ZNF385D: variants seen among roughly 807,000 people sequenced by gnomAD.
ZNF385D encodes zinc finger protein 659.
ZNF385D carries 15 observed loss-of-function variants against 35.8 expected under a neutral mutation model. That is an observed-to-expected ratio of 0.42 (90% CI 0.28 to 0.64). The LOEUF is 0.64. Among genes scored for constraint, ZNF385D ranks in the 30% least tolerant of loss-of-function variants. The pLI, the probability that ZNF385D is intolerant of heterozygous loss-of-function variation, is 0.23. For synonymous variants in ZNF385D, 212 were observed against 186.8 expected, an observed-to-expected ratio of 1.13 and a Z score of -1.10; for missense variants, 474 against 494.6, an observed-to-expected ratio of 0.96 and a Z score of 0.39.
intron 1 of ZNF385D, among the ~76,000 whole-genome samples, chr3:21,742,830 T>C (rs2069583186): frequency 6.6e-6 from 1 of 152,196 alleles, no homozygotes; most frequent in Non-Finnish European, 1.5e-5. Context: ...ATTATCTACA[T>C]TAAATTATTT....
chr3:21,564,217 A>G (rs2063059286), intron 3 of ZNF385D, among the ~76,000 whole-genome samples: 2 of 152,162 alleles, frequency 1.3e-5, no homozygotes, highest in South Asian at 2.1e-4. Flanking sequence ...TTTGGTACCT[A>G]TCTTATTTCA....
chr3:21,759,764 T>C (rs1453741501), intron 3 of ZNF385D, among the ~76,000 whole-genome samples: 1 of 152,214 alleles, frequency 6.6e-6, no homozygotes, highest in Non-Finnish European at 1.5e-5. Flanking sequence ...AACAGCGTTA[T>C]ATTGAATTTC....
chr3:21,907,233 G>A (rs1022675235), intron 3 of ZNF385D, among the ~76,000 whole-genome samples: 2 of 152,130 alleles, frequency 1.3e-5, no homozygotes, highest in African/African-American at 4.8e-5. Flanking sequence ...TAAAAAACAT[G>A]TATCTGTAAC....
intron 2 of ZNF385D, among the ~76,000 whole-genome samples, chr3:22,268,790 C>A (rs1244019964): frequency 6.6e-6 from 1 of 151,748 alleles, no homozygotes; most frequent in Non-Finnish European, 1.5e-5. Flanking sequence ...GGAGACATAC[C>A]CCCTCAGAAC....
At position 21,520,294 on chromosome 3, in the gene ZNF385D, A is replaced by T. The variant is rs191245238; in HGVS notation, c.277-9271T>A. Among the ~76,000 whole-genome samples, 8 of 152,344 alleles carry T rather than the reference A, an allele frequency of 5.3e-5. No individual in the cohort carries two copies. In the East Asian group the frequency reaches 1.5e-3, roughly 29 times the overall value. On this transcript the variant is annotated intron_variant, in intron 3 of 7. Coordinates refer to ENST00000281523, the MANE Select transcript of ZNF385D (RefSeq NM_024697.3). The stretch of plus-strand genomic sequence containing the variant: ...GCCTGTTTCTCCTAACAGAGAGTGG[A>T]TCTCATAACAGAGAGAGGAAGACCT...
At chr3:22,013,147 T>C (rs1052581874) in intron 3 of ZNF385D, among the ~76,000 whole-genome samples, 3 of 152,258 alleles carry the variant, frequency 2.0e-5, no homozygotes, top group African/African-American at 7.2e-5. Context: ...AAGTCAGTGC[T>C]TAAGATCTAT....
chr3:22,117,126 T>C (rs1702852655), intron 3 of ZNF385D, among the ~76,000 whole-genome samples: 1 of 152,040 alleles, frequency 6.6e-6, no homozygotes, highest in African/African-American at 2.4e-5. Flanking sequence ...TGAGGCTTTA[T>C]GTCATGGTAT....
intron 2 of ZNF385D, among the ~76,000 whole-genome samples, chr3:22,252,778 G>A (rs1472296356): frequency 1.3e-5 from 2 of 152,018 alleles, no homozygotes. Context: ...TAAAACATTA[G>A]GCATGTTTGA....
At chr3:22,109,640 A>C (rs1464919111) in intron 3 of ZNF385D, among the ~76,000 whole-genome samples, 1 of 152,134 alleles carries the variant, frequency 6.6e-6, no homozygotes, top group Non-Finnish European at 1.5e-5. Context: ...GTCTCTTTCT[A>C]GGTCTCTAAG....
intron 3 of ZNF385D, among the ~76,000 whole-genome samples, chr3:21,771,046 C>T (rs1221464389): frequency 7.0e-6 from 1 of 143,142 alleles, no homozygotes; most frequent in Non-Finnish European, 1.5e-5. Flanking sequence ...ACAATGAAAA[C>T]ACTTGGACAC....
At chr3:21,916,355 C>T (rs1419180583) in intron 3 of ZNF385D, among the ~76,000 whole-genome samples, 28 of 152,030 alleles carry the variant, frequency 1.8e-4, no homozygotes. Context: ...ACTAACCCTC[C>T]ACATTACTGA....
chr3:21,666,690 T>C (rs1226441396), intron 1 of ZNF385D, among the ~76,000 whole-genome samples: 1 of 152,216 alleles, frequency 6.6e-6, no homozygotes, highest in African/African-American at 2.4e-5. Context: ...ACTTTAGTGA[T>C]AGACCTGTCA....
At chr3:22,305,943 C>T (rs1429996009) in intron 2 of ZNF385D, among the ~76,000 whole-genome samples, 2 of 152,128 alleles carry the variant, frequency 1.3e-5, no homozygotes, top group African/African-American at 2.4e-5. Context: ...TAGGTTAGCA[C>T]TAATTTTTCT....
At chr3:22,366,593 C>A (rs532188339) in intron 2 of ZNF385D, among the ~76,000 whole-genome samples, 1 of 152,224 alleles carries the variant, frequency 6.6e-6, no homozygotes, top group East Asian at 1.9e-4. Flanking sequence ...TTTCACACAT[C>A]TTGCATAATA....
intron 3 of ZNF385D, among the ~76,000 whole-genome samples, chr3:21,833,407 A>G (rs190247283): frequency 1.4e-3 from 210 of 152,296 alleles, no homozygotes; most frequent in Admixed American, 3.7e-3. Flanking sequence ...AATCACATGT[A>G]TCTTGTAAGA....
intron 1 of ZNF385D, among the ~76,000 whole-genome samples, chr3:21,737,377 G>A (rs1559567922): frequency 6.6e-6 from 1 of 152,002 alleles, no homozygotes. Context: ...TAAAAAGAAT[G>A]AGAATCAGTA....
rs1274262377 is a variant in ZNF385D, at chr3:21,412,822, A to G, written c.*8392T>C. 1 of 152,140 alleles carries G rather than the reference A, an allele frequency of 6.6e-6. No individual in the cohort carries two copies. The highest frequency in any genetic ancestry group is 2.1e-4 in the South Asian group (1 of 4,832). 9.4% of individuals were successfully genotyped at this position (152,140 alleles called of 1,614,324 possible). A position where few individuals can be genotyped will look rare whatever the true frequency, so the allele number is the denominator to read the frequency against. On this transcript the variant is annotated 3_prime_UTR_variant, in exon 8 of 8. Transcript: ENST00000281523. The stretch of plus-strand genomic sequence containing the variant: ...TTTAACTTAGTACAGGACCACAGAC[A>G]AGATAAACTGTGCTATATTTTACAT...
intron 1 of ZNF385D, among the ~76,000 whole-genome samples, chr3:21,727,713 G>A (rs538218387): frequency 2.0e-5 from 3 of 152,174 alleles, no homozygotes; most frequent in Non-Finnish European, 4.4e-5. Context: ...TACACTGTTG[G>A]TGGGAGTATA....
chr3:22,331,684 T>C (rs1245181280), intron 2 of ZNF385D, among the ~76,000 whole-genome samples: 2 of 152,126 alleles, frequency 1.3e-5, no homozygotes, highest in African/African-American at 4.8e-5. Context: ...AGGACTAAAT[T>C]TGTATCAGCT....
Sources: gnomAD v4.1 joint callset for allele counts (sites outside exome capture counted in the v4.1 genomes callset) on GRCh38, gnomAD v4.1.1 for gene constraint, MANE v1.5 for transcripts, NCBI Gene and HGNC (gene_info 2026-07-23, HGNC 2026-07-21) for gene names.